The following TTC6 variants were observed in gnomAD, a reference collection of about 807,000 sequenced individuals.
TTC6 encodes the protein tetratricopeptide repeat domain 6.
Under a neutral mutation model 210.4 loss-of-function variants are expected in TTC6, and 172 were observed. The ratio of observed to expected loss-of-function variants is 0.82; its 90% CI spans 0.72 to 0.93. The LOEUF is 0.93. Ranked by LOEUF, TTC6 falls within the 40% of genes least tolerant of loss-of-function variation. The probability of loss-of-function intolerance (pLI) is 0.00; values close to 1 mark genes in which losing one functional copy is unlikely to be tolerated. For synonymous variants in TTC6, 804 were observed against 819.6 expected, an observed-to-expected ratio of 0.98 and a Z score of 0.32; for missense variants, 2,414 against 2,318.1, an observed-to-expected ratio of 1.04 and a Z score of -0.85.
At chr14:37,684,740 C>T (rs1216607412) in intron 3 of TTC6, among the ~76,000 whole-genome samples, 1 of 152,092 alleles carries the variant, frequency 6.6e-6, no homozygotes, top group East Asian at 1.9e-4. Flanking sequence ...GAACTTTACA[C>T]TGTATGTGGA....
At position 37,624,548 on chromosome 14, in the gene TTC6, A is replaced by G. The variant is rs1269807327; in HGVS notation, c.939+1545A>G. ...CAGGCTCAAATGGACTTAGGGATAT[A>G]TGAAGAGAGACTATTAAATGAATAA... On this transcript the variant is annotated intron_variant, in intron 1 of 30. Transcript: ENST00000553443. Among the ~76,000 whole-genome samples, 4 of 152,214 alleles carry G rather than the reference A, an allele frequency of 2.6e-5. No homozygotes were observed. The East Asian group carries it at 5.8e-4, about 22-fold the overall frequency.
chr14:37,648,015 C>T (rs979701347), intron 1 of TTC6, among the ~76,000 whole-genome samples: 10 of 152,148 alleles, frequency 6.6e-5, no homozygotes, highest in African/African-American at 2.4e-4. Context: ...ATTACAAACA[C>T]ACACACACAC....
intron 22 of TTC6, 91 bp downstream of exon 24, chr14:37,806,601 C>A: frequency 8.0e-7 from 1 of 1,255,432 alleles, no homozygotes; most frequent in Non-Finnish European, 1.1e-6. Flanking sequence ...TAATTACCAA[C>A]AATCAGTTTC....
chr14:37,672,049 A>C (rs977410759), intron 1 of TTC6, among the ~76,000 whole-genome samples: 1 of 152,164 alleles, frequency 6.6e-6, no homozygotes. Context: ...AGGAGTGTGA[A>C]AACAGACTAA....
intron 1 of TTC6, among the ~76,000 whole-genome samples, chr14:37,604,327 A>G (rs2095621209): frequency 6.6e-6 from 1 of 152,196 alleles, no homozygotes; most frequent in Non-Finnish European, 1.5e-5. Context: ...CAGAGACTGC[A>G]TCAAGTTCAC....
chr14:37,604,922 T>C (rs2095622270), intron 1 of TTC6, among the ~76,000 whole-genome samples: 1 of 152,320 alleles, frequency 6.6e-6, no homozygotes. Context: ...TCAAGGAAGC[T>C]TTAGTTGCTC....
At chr14:37,629,811 C>T (rs189074249) in intron 1 of TTC6, among the ~76,000 whole-genome samples, 1 of 152,114 alleles carries the variant, frequency 6.6e-6, no homozygotes, top group Non-Finnish European at 1.5e-5. Flanking sequence ...GCATTTTTAG[C>T]ATGAAGGACT....
At chr14:37,702,373 T>C (rs1379216104) in intron 5 of TTC6, among the ~76,000 whole-genome samples, 2 of 152,216 alleles carry the variant, frequency 1.3e-5, no homozygotes, top group East Asian at 3.9e-4. Flanking sequence ...AATTTTAATA[T>C]GCCAGATATA....
intron 1 of TTC6, among the ~76,000 whole-genome samples, chr14:37,627,198 G>A (rs991060885): frequency 2.0e-5 from 3 of 152,046 alleles, no homozygotes; most frequent in African/African-American, 4.8e-5. Flanking sequence ...CCCAGAAGGC[G>A]ATGCCAGATC....
chr14:37,623,620 C>G (rs2095655354), intron 1 of TTC6, among the ~76,000 whole-genome samples: 1 of 152,146 alleles, frequency 6.6e-6, no homozygotes, highest in South Asian at 2.1e-4. Flanking sequence ...TCAATAGATA[C>G]TAATAAAAGT....
In TTC6 at chr14:37,735,903, G is replaced by A. The variant is rs749251582; in HGVS notation, c.1819-18G>A. ...GTATTCCAAAACATAATTTAAAATT[G>A]TTATCTTTTTATCACAGAGTGTTCA... On this transcript the variant is annotated intron_variant, in intron 7 of 30. Coordinates refer to ENST00000553443, the Ensembl canonical transcript of TTC6. 4.2e-5 allele frequency: 61 copies of A among 1,443,738 alleles called. No homozygotes were observed. The South Asian group carries it at 7.6e-4, about 18-fold the overall frequency. The allele number at this position is 1,443,738 out of a possible 1,614,324, so 89.4% of individuals were successfully genotyped here. A position where few individuals can be genotyped will look rare whatever the true frequency, so the allele number is the denominator to read the frequency against.
intron 14 of TTC6, among the ~76,000 whole-genome samples, chr14:37,785,025 C>T (rs2139289288): frequency 6.6e-6 from 1 of 152,290 alleles, no homozygotes; most frequent in Non-Finnish European, 1.5e-5. Context: ...TTGTGGGTAA[C>T]CTGAACTTTC....
intron 2 of TTC6, among the ~76,000 whole-genome samples, chr14:37,609,954 G>C (rs1354844820): frequency 2.0e-5 from 3 of 152,210 alleles, no homozygotes; most frequent in Non-Finnish European, 4.4e-5. Context: ...AGGGTTGGCA[G>C]ATCTTTTTCT....
rs1379443375 is a variant in TTC6, at chr14:37,737,750, A to G, written c.1983+16A>G. The G allele has an allele frequency of 1.0e-5, 14 of 1,396,518 alleles. No individual in the cohort carries two copies. The highest frequency in any genetic ancestry group is 1.2e-5 in the Non-Finnish European group (13 of 1,042,214). The allele number at this position is 1,396,518 out of a possible 1,614,324, so 86.5% of individuals were successfully genotyped here. ...ACAACTAAGGGTATTATAATTTTAC[A>G]GTTTTTACTCTCTAAAAGAAACATT... is the stretch of plus-strand genomic sequence containing the variant. On this transcript the variant is annotated intron_variant, in intron 9 of 30. Transcript: ENST00000553443.
chr14:37,723,807 C>A lies in TTC6; in HGVS notation c.1714-1091C>A, dbSNP rs1037612133. On this transcript the variant is annotated intron_variant, in intron 6 of 30. Transcript: ENST00000553443. ...AGTTAGATTGTTTTATGACATTCTG[C>A]ATTCCATCGTGGGATTCCTCCTGAC... Among the ~76,000 whole-genome samples, 13 of 152,282 alleles carry A rather than the reference C, an allele frequency of 8.5e-5. No homozygotes were observed. In the East Asian group the frequency reaches 2.5e-3, roughly 29 times the overall value.
At chr14:37,776,838 A>G (rs2096039217) in intron 14 of TTC6, among the ~76,000 whole-genome samples, 2 of 152,040 alleles carry the variant, frequency 1.3e-5, no homozygotes, top group Non-Finnish European at 2.9e-5. Flanking sequence ...CTGAGGTTGC[A>G]GTGAGCCGAG....
chr14:37,597,932 A>C (rs530774998), intron 1 of TTC6, among the ~76,000 whole-genome samples: 1 of 152,290 alleles, frequency 6.6e-6, no homozygotes, highest in Admixed American at 6.5e-5. Context: ...AAGATACCTA[A>C]CAAATTTAGG....
chr14:37,745,692 AT>A (rs1162033833), intron 10 of TTC6, among the ~76,000 whole-genome samples: 2 of 152,130 alleles, frequency 1.3e-5, no homozygotes, highest in African/African-American at 4.8e-5. Flanking sequence ...CGTCAGTGGG[AT>A]TTGTAGTGGG....
At chr14:37,700,619 T>A (rs1050096147) in intron 4 of TTC6, among the ~76,000 whole-genome samples, 1 of 151,680 alleles carries the variant, frequency 6.6e-6, no homozygotes, top group Non-Finnish European at 1.5e-5. Context: ...GGTACGGGCC[T>A]GTAGTCCCAG....
Sources: allele counts gnomAD v4.1 joint callset (sites outside exome capture counted in the v4.1 genomes callset), GRCh38; gene constraint gnomAD v4.1.1; transcripts MANE v1.5; gene names NCBI Gene and HGNC (gene_info 2026-07-23, HGNC 2026-07-21).